The following STAG1 variants were observed in gnomAD, a reference collection of about 807,000 sequenced individuals.
STAG1 encodes STAG1 cohesin complex component.
In STAG1, 26 loss-of-function variants were observed where a neutral mutation model predicts 170.9. The observed-to-expected ratio is 0.15, with a 90% confidence interval of 0.11 to 0.21. STAG1 has a LOEUF of 0.21. Among genes scored for constraint, STAG1 ranks in the 10% least tolerant of loss-of-function variants. The pLI is 1.00. For missense variants in STAG1, 964 were observed against 1,509.5 expected (o/e 0.64, Z 5.99); for synonymous variants, 514 against 497.7 (o/e 1.03, Z -0.44).
intron 22 of STAG1, among the ~76,000 whole-genome samples, chr3:136,392,317 G>A (rs2087031014): frequency 6.6e-6 from 1 of 151,898 alleles, no homozygotes; most frequent in Non-Finnish European, 1.5e-5. Flanking sequence ...ATAAATTACG[G>A]TATAGCTACA....
chr3:136,597,344 A>G (rs2107799775), intron 4 of STAG1, among the ~76,000 whole-genome samples: 1 of 152,330 alleles, frequency 6.6e-6, no homozygotes, highest in African/African-American at 2.4e-5. Flanking sequence ...CACTCATTAA[A>G]TATTTACTGC....
intron 4 of STAG1, among the ~76,000 whole-genome samples, chr3:136,576,271 ATCTC>A (rs1279052958): frequency 2.0e-5 from 3 of 152,210 alleles, no homozygotes; most frequent in Admixed American, 6.5e-5. Context: ...AAATAAATAA[ATCTC>A]TCTTTTTCTC....
Position 136,625,643 on chromosome 3 carries a change from CCTG to C in STAG1, c.30-2398_30-2396del, listed in dbSNP as rs544090121. On this transcript the variant is annotated intron_variant, in intron 2 of 33. Transcript: ENST00000383202. ...GAATGATATCAGTCTTCTTGTGCCT[CCTG>C]CTAACATAATCCTACCTCAGCCATC... is the stretch of plus-strand genomic sequence containing the variant. 7.2e-3 allele frequency among the ~76,000 whole-genome samples: 1,096 copies of C among 152,266 alleles called. 13 individuals carry two copies. Among genetic ancestry groups the C allele is most frequent in the African/African-American group, 0.025 (1,048 of 41,556 alleles).
At chr3:136,676,728 GT>G (rs1942138160) in intron 1 of STAG1, among the ~76,000 whole-genome samples, 2 of 147,938 alleles carry the variant, frequency 1.4e-5, no homozygotes, top group Admixed American at 1.3e-4. Flanking sequence ...GGGATTACAA[GT>G]TTTTGTTTGT....
At chr3:136,474,301 A>G (rs2089692587) in intron 10 of STAG1, among the ~76,000 whole-genome samples, 1 of 152,230 alleles carries the variant, frequency 6.6e-6, no homozygotes, top group Admixed American at 6.5e-5. Context: ...GAAAGAAGCT[A>G]TGTGCTGTAA....
At chr3:136,741,302 T>C (rs1053875380) in intron 1 of STAG1, among the ~76,000 whole-genome samples, 1 of 152,242 alleles carries the variant, frequency 6.6e-6, no homozygotes, top group African/African-American at 2.4e-5. Context: ...TCTTCATCTA[T>C]GACCAAGTCA....
In STAG1 at chr3:136,433,565, G is replaced by A. The variant is rs756868327; in HGVS notation, c.1641C>T (p.Thr547=). 33 of 1,599,310 alleles carry A rather than the reference G, an allele frequency of 2.1e-5. No homozygotes were observed. The South Asian group carries it at 2.1e-4, about 10-fold the overall frequency. The part of the protein sequence containing the change: ...AEAHPPVGRG[T]GKRVLTAKER... ...CACTAATGTAACTTACTCTCTTGCCGGTACCCCTTCCCACTGGAGGATGTG... is the reference window on the plus strand; with the variant it reads ...CACTAATGTAACTTACTCTCTTGCCAGTACCCCTTCCCACTGGAGGATGTG... The change falls in exon 16 of 34, where the codon ACC becomes ACT. Residue 547 remains threonine (T), a synonymous_variant. Transcript: ENST00000383202.
chr3:136,530,977 C>T (rs756712488), intron 6 of STAG1, among the ~76,000 whole-genome samples: 5 of 151,910 alleles, frequency 3.3e-5, no homozygotes, highest in African/African-American at 4.8e-5. Context: ...TGGTCATGGG[C>T]GCCTGTAATC....
intron 18 of STAG1, 74 bp downstream of exon 18, chr3:136,422,694 T>C: frequency 2.0e-6 from 3 of 1,521,610 alleles, no homozygotes; most frequent in Non-Finnish European, 2.7e-6. Context: ...AAATAACAAG[T>C]CTATAAGAGT....
At chr3:136,486,000 T>G (rs752043964) in intron 9 of STAG1, among the ~76,000 whole-genome samples, 6 of 152,252 alleles carry the variant, frequency 3.9e-5, no homozygotes. Context: ...TGTGCAGATA[T>G]GTGGGAGTTT....
chr3:136,459,840 T>A lies in STAG1; in HGVS notation c.1313+5041A>T, dbSNP rs372022338. ...ACACAACATACTAAAACCTATGAAG[T>A]ACAGTACAGCTAAAGCAGTTCTAAA... On this transcript the variant is annotated intron_variant, in intron 13 of 33. Transcript: ENST00000383202. 1.8e-4 allele frequency among the ~76,000 whole-genome samples: 28 copies of A among 152,222 alleles called. No individual in the cohort carries two copies. In the South Asian group the frequency reaches 5.4e-3, roughly 29 times the overall value.
chr3:136,486,774 C>G (rs905835410), intron 9 of STAG1, among the ~76,000 whole-genome samples: 3 of 152,066 alleles, frequency 2.0e-5, no homozygotes, highest in Non-Finnish European at 2.9e-5. Context: ...GGAATTACTA[C>G]TAATACTGAG....
At chr3:136,380,395 C>T (rs928914164) in intron 22 of STAG1, among the ~76,000 whole-genome samples, 1 of 152,000 alleles carries the variant, frequency 6.6e-6, no homozygotes. Flanking sequence ...GTGTGTGCTG[C>T]CATACCTGGC....
intron 7 of STAG1, among the ~76,000 whole-genome samples, chr3:136,514,813 C>T (rs1330229193): frequency 1.3e-5 from 2 of 151,898 alleles, no homozygotes; most frequent in Non-Finnish European, 2.9e-5. Flanking sequence ...ATCACAAGGA[C>T]AGAAAACCAA....
intron 9 of STAG1, among the ~76,000 whole-genome samples, chr3:136,484,504 G>T (rs1576517141): frequency 6.9e-6 from 1 of 144,436 alleles, no homozygotes; most frequent in East Asian, 2.1e-4. Context: ...GGACACTTAA[G>T]TCTGCAGAGG....
intron 5 of STAG1, 82 bp downstream of exon 5, chr3:136,568,683 T>A: frequency 1.1e-6 from 1 of 891,010 alleles, no homozygotes; most frequent in Non-Finnish European, 1.8e-6. Flanking sequence ...GTAAATTATA[T>A]ACGACTAGTG....
chr3:136,566,575 T>G (rs1343056595), intron 5 of STAG1, among the ~76,000 whole-genome samples: 1 of 152,222 alleles, frequency 6.6e-6, no homozygotes, highest in Non-Finnish European at 1.5e-5. Context: ...AAAATCAGAC[T>G]GAAATATTAT....
intron 22 of STAG1, among the ~76,000 whole-genome samples, chr3:136,393,590 C>T (rs973616502): frequency 2.3e-5 from 3 of 130,128 alleles, no homozygotes; most frequent in Non-Finnish European, 4.9e-5. Context: ...TACGCTTCAT[C>T]TTTTTTTTTT....
At chr3:136,394,546 C>T (rs539619868) in intron 22 of STAG1, among the ~76,000 whole-genome samples, 4 of 152,140 alleles carry the variant, frequency 2.6e-5, no homozygotes, top group Admixed American at 1.3e-4. Context: ...GAGGCTGAGG[C>T]GGGTGGACTG....
Sources: allele counts gnomAD v4.1 joint callset (sites outside exome capture counted in the v4.1 genomes callset), GRCh38; gene constraint gnomAD v4.1.1; transcripts MANE v1.5; gene names NCBI Gene and HGNC (gene_info 2026-07-23, HGNC 2026-07-21).